Variants in NRDC observed in about 807,000 individuals in gnomAD.
NRDC encodes the protein nardilysin.
A neutral mutation model predicts 147.1 loss-of-function variants in NRDC; 54 were observed. That is an observed-to-expected ratio of 0.37 (90% CI 0.29 to 0.46). The LOEUF (loss-of-function observed/expected upper bound fraction) is 0.46, where lower values mean the gene tolerates loss of function less well. Among genes scored for constraint, NRDC ranks in the 20% least tolerant of loss-of-function variants. The pLI is 1.00. For missense variants in NRDC, 1,082 were observed against 1,370.6 expected (o/e 0.79, Z 3.33); for synonymous variants, 440 against 482.1 (o/e 0.91, Z 1.14).
chr1:51,833,896 T>A (rs1680828197), intron 4 of NRDC, 121 bp downstream of exon 4: 2 of 836,232 alleles, frequency 2.4e-6, no homozygotes, highest in Middle Eastern at 2.6e-4. Flanking sequence ...GTTACAGGCA[T>A]GAGTCACCAT....
At chr1:51,822,405 G>A (rs1680251333) in intron 7 of NRDC, among the ~76,000 whole-genome samples, 1 of 152,130 alleles carries the variant, frequency 6.6e-6, no homozygotes, top group African/African-American at 2.4e-5. Context: ...CCTAGGCACA[G>A]TGGCTGGGGC....
intron 10 of NRDC, 152 bp downstream of exon 10, chr1:51,817,914 G>C (rs1288250231): frequency 3.4e-6 from 2 of 582,110 alleles, no homozygotes; most frequent in Non-Finnish European, 3.0e-6. Flanking sequence ...AAAATACATA[G>C]CAAGGCTTGA....
At chr1:51,792,731 T>C (rs145195154) in intron 24 of NRDC, among the ~76,000 whole-genome samples, 354 of 152,254 alleles carry the variant, frequency 2.3e-3, no homozygotes, top group Middle Eastern at 6.8e-3. Context: ...AATTAAGTAC[T>C]TGCAACTCAA....
rs1487677381 is a variant in NRDC, at chr1:51,809,527, AT to A, written c.1904-127del. On this transcript the variant is annotated intron_variant, in intron 16 of 30. Coordinates refer to ENST00000352171, the MANE Select transcript of NRDC (RefSeq NM_001101662.2). ...TTCTCAGGAATACTGTGACTGACAC[AT>A]ATCCAGGCATTCTAGAATCGTGCTA... 22 of 723,772 alleles carry A rather than the reference AT, an allele frequency of 3.0e-5. 1 individual carries two copies. The highest frequency in any genetic ancestry group is 5.9e-5 in the Admixed American group (3 of 50,682). The allele number at this position is 723,772 out of a possible 1,614,324, so 44.8% of individuals were successfully genotyped here.
At chr1:51,806,741 C>T (rs1679482265) in intron 18 of NRDC, 53 bp downstream of exon 18, 1 of 1,544,318 alleles carries the variant, frequency 6.5e-7, no homozygotes, top group African/African-American at 1.4e-5. Context: ...AACAGAGCAT[C>T]TAAAGAGAAC....
intron 14 of NRDC, among the ~76,000 whole-genome samples, chr1:51,812,476 T>C (rs1261087194): frequency 1.3e-5 from 2 of 151,758 alleles, no homozygotes; most frequent in Non-Finnish European, 2.9e-5. Flanking sequence ...TGCAGTGAGC[T>C]GAGATCGTGC....
intron 22 of NRDC, 94 bp downstream of exon 22, chr1:51,798,155 C>A: frequency 7.6e-7 from 1 of 1,315,918 alleles, no homozygotes; most frequent in South Asian, 1.3e-5. Flanking sequence ...TGCTGGCCTG[C>A]CAAAACTACA....
intron 22 of NRDC, among the ~76,000 whole-genome samples, chr1:51,796,995 T>A (rs781758682): frequency 6.6e-6 from 1 of 151,148 alleles, no homozygotes; most frequent in Non-Finnish European, 1.5e-5. Flanking sequence ...GGTCAGGAGA[T>A]CGAGACCATC....
chr1:51,791,743 A>G, intron 26 of NRDC, 82 bp from the exon 27 acceptor site: 3 of 1,144,354 alleles, frequency 2.6e-6, no homozygotes, highest in Non-Finnish European at 3.9e-6. Context: ...GGAGTGGGAA[A>G]AGTTTCTGCC....
intron 14 of NRDC, among the ~76,000 whole-genome samples, 160 bp from the exon 15 acceptor site, chr1:51,812,258 G>C (rs1253201177): frequency 6.6e-6 from 1 of 152,214 alleles, no homozygotes; most frequent in Admixed American, 6.5e-5. Context: ...CTGATGCTCA[G>C]TAGGCTGGAC....
At chr1:51,843,024 A>C (rs940507617) in intron 1 of NRDC, among the ~76,000 whole-genome samples, 9 of 133,584 alleles carry the variant, frequency 6.7e-5, no homozygotes, top group Non-Finnish European at 1.4e-4. Flanking sequence ...CGTTCATGCC[A>C]CTGCACTCCA....
At chr1:51,854,974 G>A (rs1272570119) in intron 1 of NRDC, among the ~76,000 whole-genome samples, 3 of 152,148 alleles carry the variant, frequency 2.0e-5, no homozygotes, top group African/African-American at 7.2e-5. Context: ...TGAGGGGCCT[G>A]GAGAAGGTTA....
chr1:51,809,024 T>C lies in NRDC; in HGVS notation c.1990+291A>G, dbSNP rs1679592749. ...ATGGCAATCCCTAAGGAGATTGGTA[T>C]GAAAGGATCAGCTACTCTATACAAG... is the stretch of plus-strand genomic sequence containing the variant. On this transcript the variant is annotated intron_variant, in intron 17 of 30. Transcript: ENST00000352171. Among the ~76,000 whole-genome samples the C allele has an allele frequency of 2.0e-5, 3 of 152,212 alleles. No individual in the cohort carries two copies. The South Asian group carries it at 6.2e-4, about 32-fold the overall frequency.
rs192723764 is a variant in NRDC at position 51,847,106 on chromosome 1, A to C, written c.342-6592T>G. On this transcript the variant is annotated intron_variant, in intron 1 of 30. Transcript: ENST00000352171. ...TCCCCACCAGATCAGCTAGACACAG[A>C]GTGCAGATTGGTGCATTTACAAACC... Among the ~76,000 whole-genome samples the C allele has an allele frequency of 1.6e-4, 24 of 152,210 alleles. No homozygotes were observed. In the East Asian group the frequency reaches 4.7e-3, roughly 30 times the overall value.
chr1:51,844,269 A>C (rs536541360), intron 1 of NRDC, among the ~76,000 whole-genome samples: 2 of 152,232 alleles, frequency 1.3e-5, no homozygotes, highest in East Asian at 3.9e-4. Context: ...CTTAAACCCT[A>C]CTACCTCAGG....
intron 1 of NRDC, among the ~76,000 whole-genome samples, chr1:51,860,505 TC>T (rs1334296401): frequency 1.3e-5 from 2 of 152,192 alleles, no homozygotes; most frequent in African/African-American, 2.4e-5. Context: ...TACTCGACTC[TC>T]CCAGTGCCTT....
intron 1 of NRDC, among the ~76,000 whole-genome samples, chr1:51,866,637 C>CA (rs1557940117): frequency 4.0e-5 from 6 of 149,514 alleles, no homozygotes; most frequent in Admixed American, 6.7e-5. Flanking sequence ...TTGGTTAACA[C>CA]AAATAACTAG....
Position 51,798,403 on chromosome 1 carries a change from C to T in NRDC, c.2450G>A (p.Arg817Gln), listed in dbSNP as rs1186678139. 5.0e-6 allele frequency: 8 copies of T among 1,613,314 alleles called. No homozygotes were observed. Among genetic ancestry groups the T allele is most frequent in the Admixed American group, 3.3e-5 (2 of 59,984 alleles). The change falls in exon 22 of 31, where the codon CGG (arginine) becomes CAG (glutamine). Residue 817 changes from arginine (R) to glutamine (Q), a missense_variant. Physicochemically the swap from Arg to Gln is conservative, Grantham distance 43. Around this residue, in one of 3 missense-constraint regions of NRDC, gnomAD observed 635 missense variants for 923.8 expected, o/e 0.69. Transcript: ENST00000352171. ...IKPETLAKDV[R>Q]LLILEYARWS... ...ACGGGCATATTCCAAGATTAAAAGC[C>T]GTACATCTCTGTACAGAGGGCAGAA...
intron 9 of NRDC, among the ~76,000 whole-genome samples, chr1:51,818,401 CAAGA>C (rs1465150348): frequency 6.6e-6 from 1 of 152,130 alleles, no homozygotes; most frequent in African/African-American, 2.4e-5. Flanking sequence ...TCTCTTCTTG[CAAGA>C]AAGGATACAA....
Sources: gnomAD v4.1 joint callset for allele counts (sites outside exome capture counted in the v4.1 genomes callset) on GRCh38, gnomAD v4.1.1 for gene constraint, gnomAD v4.1.1 regional missense constraint, MANE v1.5 for transcripts, NCBI Gene and HGNC (gene_info 2026-07-23, HGNC 2026-07-21) for gene names.